Variants in CNTLN observed in about 807,000 individuals in gnomAD.
CNTLN encodes the protein centlein.
CNTLN carries 212 observed loss-of-function variants against 180.0 expected under a neutral mutation model. The ratio of observed to expected loss-of-function variants is 1.18; its 90% CI spans 1.05 to 1.32. The LOEUF (loss-of-function observed/expected upper bound fraction) is 1.32. Ranked by LOEUF, CNTLN falls within the 40% of genes most tolerant of loss-of-function variation. The pLI is 0.00. For missense variants in CNTLN, 2,095 were observed against 1,610.9 expected, an observed-to-expected ratio of 1.30 and a Z score of -5.14; for synonymous variants, 722 against 563.1, an observed-to-expected ratio of 1.28 and a Z score of -3.99.
chr9:17,298,637 A>G, intron 7 of CNTLN: 16 of 1,047,376 alleles, frequency 1.5e-5, no homozygotes, highest in African/African-American at 1.7e-5. Context: ...GAAACATACT[A>G]GGAGTATAGT....
At chr9:17,404,434 G>C (rs1008416125) in intron 15 of CNTLN, among the ~76,000 whole-genome samples, 1 of 151,646 alleles carries the variant, frequency 6.6e-6, no homozygotes. Flanking sequence ...AAAGTTCTTT[G>C]AGGGAACACA....
chr9:17,227,910 G>A (rs1013245139), intron 3 of CNTLN, among the ~76,000 whole-genome samples: 4 of 152,052 alleles, frequency 2.6e-5, no homozygotes, highest in African/African-American at 9.7e-5. Flanking sequence ...ATAGGTAAAT[G>A]TTGTCATGTG....
At chr9:17,258,460 G>T (rs1256445415) in intron 5 of CNTLN, among the ~76,000 whole-genome samples, 3 of 151,322 alleles carry the variant, frequency 2.0e-5, no homozygotes, top group Non-Finnish European at 2.9e-5. Flanking sequence ...TGGCGATGCG[G>T]GCTCTCTTTT....
chr9:17,266,867 C>G (rs937385902), intron 5 of CNTLN, among the ~76,000 whole-genome samples: 16 of 152,036 alleles, frequency 1.1e-4, no homozygotes, highest in African/African-American at 3.9e-4. Flanking sequence ...CAACCCCTGC[C>G]TTTTTTTGTT....
At chr9:17,156,762 A>G (rs1303005070) in intron 2 of CNTLN, among the ~76,000 whole-genome samples, 1 of 152,234 alleles carries the variant, frequency 6.6e-6, no homozygotes, top group Non-Finnish European at 1.5e-5. Flanking sequence ...AAATATTACA[A>G]TAAAGCAAGT....
chr9:17,431,869 A>G (rs981204896), intron 18 of CNTLN, among the ~76,000 whole-genome samples: 1 of 152,184 alleles, frequency 6.6e-6, no homozygotes, highest in Non-Finnish European at 1.5e-5. Context: ...TTATCTTTAA[A>G]AAGATAAAGG....
At chr9:17,445,344 C>T (rs1251496099) in intron 18 of CNTLN, among the ~76,000 whole-genome samples, 1 of 152,010 alleles carries the variant, frequency 6.6e-6, no homozygotes, top group African/African-American at 2.4e-5. Context: ...GAGAGACATA[C>T]AGTTAACTAT....
intron 8 of CNTLN, among the ~76,000 whole-genome samples, chr9:17,327,511 T>A (rs1240837443): frequency 4.0e-5 from 6 of 149,098 alleles, no homozygotes; most frequent in African/African-American, 1.5e-4. Context: ...TTTTTCAAAG[T>A]CTGAGAGATA....
intron 25 of CNTLN, among the ~76,000 whole-genome samples, chr9:17,502,129 C>T (rs532686407): frequency 1.4e-4 from 22 of 152,278 alleles, no homozygotes; most frequent in African/African-American, 3.1e-4. Context: ...TCGGCTCTAA[C>T]GCAGACATGT....
At chr9:17,515,489 A>G in the CNTLN span, among the ~76,000 whole-genome samples, 26 of 152,056 alleles carry the variant, frequency 1.7e-4, no homozygotes, top group African/African-American at 6.0e-4. Context: ...CAACATCTCT[A>G]CTTGATGGTC....
At chr9:17,160,283 T>C (rs1015609515) in intron 2 of CNTLN, among the ~76,000 whole-genome samples, 1 of 152,218 alleles carries the variant, frequency 6.6e-6, no homozygotes, top group Non-Finnish European at 1.5e-5. Context: ...TTTTCTTTTA[T>C]ATATCTTTGT....
chr9:17,357,492 G>C (rs1822942692), intron 12 of CNTLN, among the ~76,000 whole-genome samples: 1 of 150,062 alleles, frequency 6.7e-6, no homozygotes, highest in Admixed American at 6.6e-5. Context: ...TTTATTTTTT[G>C]AGGCCATACA....
chr9:17,243,161 G>C (rs1223514027), intron 5 of CNTLN, among the ~76,000 whole-genome samples: 2 of 152,088 alleles, frequency 1.3e-5, no homozygotes, highest in African/African-American at 4.8e-5. Context: ...AATTTCTGCA[G>C]TATCTGTTGT....
In CNTLN at chr9:17,462,821, G is replaced by T. The variant is rs559195184; in HGVS notation, c.3307-95G>T. On this transcript the variant is annotated intron_variant, in intron 19 of 25. Transcript: ENST00000380647. ...TTAATTATTGTTTACCATAATTATTGTAGAGGTATTCTTCTTTAGAATGGC... is the reference window on the plus strand; with the variant it reads ...TTAATTATTGTTTACCATAATTATTTTAGAGGTATTCTTCTTTAGAATGGC... 1.3e-5 allele frequency: 6 copies of T among 457,394 alleles called. No homozygotes were observed. In the East Asian group the frequency reaches 2.1e-4, roughly 16 times the overall value. The allele number at this position is 457,394 out of a possible 1,614,324, so 28.3% of individuals were successfully genotyped here. A position where few individuals can be genotyped will look rare whatever the true frequency, so the allele number is the denominator to read the frequency against.
chr9:17,311,528 G>A (rs1178373539), intron 8 of CNTLN, among the ~76,000 whole-genome samples: 1 of 149,710 alleles, frequency 6.7e-6, no homozygotes, highest in Non-Finnish European at 1.5e-5. Flanking sequence ...AGAAATTGAC[G>A]GCTGGGTGCG....
intron 5 of CNTLN, among the ~76,000 whole-genome samples, chr9:17,266,935 T>C (rs1033140794): frequency 6.6e-6 from 1 of 152,172 alleles, no homozygotes; most frequent in African/African-American, 2.4e-5. Context: ...TGTGTGTCTC[T>C]GCACATGAGA....
chr9:17,461,045 T>C (rs1831415489), intron 19 of CNTLN, among the ~76,000 whole-genome samples: 1 of 151,450 alleles, frequency 6.6e-6, no homozygotes, highest in South Asian at 2.1e-4. Context: ...AAAAGCACAG[T>C]CTGGGACCAT....
Position 17,395,086 on chromosome 9 carries a change from C to A in CNTLN, c.2615+17C>A. 1 of 1,589,426 alleles carries A rather than the reference C, an allele frequency of 6.3e-7. No homozygotes were observed. On this transcript the variant is annotated intron_variant, in intron 15 of 25. Transcript: ENST00000380647. ...TGAAAGCAGGTAAGGCTCTCATTAACTTAGCTCTGTGGTGGGGACACTGCG... is the reference window on the plus strand; with the variant it reads ...TGAAAGCAGGTAAGGCTCTCATTAAATTAGCTCTGTGGTGGGGACACTGCG...
intron 6 of CNTLN, among the ~76,000 whole-genome samples, chr9:17,293,622 C>G (rs557792860): frequency 2.0e-5 from 3 of 152,202 alleles, no homozygotes; most frequent in Non-Finnish European, 2.9e-5. Flanking sequence ...ATCTAGTCTT[C>G]CTGGCACTGG....
Sources: allele counts gnomAD v4.1 joint callset (sites outside exome capture counted in the v4.1 genomes callset), GRCh38; gene constraint gnomAD v4.1.1; transcripts MANE v1.5; gene names NCBI Gene and HGNC (gene_info 2026-07-23, HGNC 2026-07-21).